BMPR1A: variants seen among roughly 807,000 people sequenced by gnomAD.
The protein encoded by BMPR1A is bone morphogenetic protein receptor type-1A.
A neutral mutation model predicts 66.0 loss-of-function variants in BMPR1A; 7 were observed. The observed-to-expected ratio is 0.11, with a 90% confidence interval of 0.06 to 0.20. The LOEUF (loss-of-function observed/expected upper bound fraction) is 0.20. Ranked by LOEUF, BMPR1A falls within the 10% of genes least tolerant of loss-of-function variation. BMPR1A has a pLI of 1.00. For missense variants in BMPR1A, 408 were observed against 669.1 expected (o/e 0.61, Z 4.31); for synonymous variants, 200 against 229.7 (o/e 0.87, Z 1.17).
At chr10:86,757,219 C>T (rs1408867008) in intron 1 of BMPR1A, among the ~76,000 whole-genome samples, 1 of 152,132 alleles carries the variant, frequency 6.6e-6, no homozygotes, top group Non-Finnish European at 1.5e-5. Flanking sequence ...CTTCTGGAAT[C>T]CTTAAATGGG....
intron 1 of BMPR1A, among the ~76,000 whole-genome samples, chr10:86,770,056 C>T (rs536098910): frequency 3.3e-5 from 5 of 151,952 alleles, no homozygotes; most frequent in African/African-American, 1.2e-4. Flanking sequence ...CTTTGGGAGG[C>T]CGAGGTGGGA....
chr10:86,877,821 A>C (rs1258200868), intron 3 of BMPR1A, among the ~76,000 whole-genome samples: 3 of 152,314 alleles, frequency 2.0e-5, no homozygotes, highest in South Asian at 4.1e-4. Context: ...TTTTGGCATA[A>C]ATTTTTTTAA....
At chr10:86,780,834 A>G (rs1359386961) in intron 1 of BMPR1A, among the ~76,000 whole-genome samples, 1 of 152,106 alleles carries the variant, frequency 6.6e-6, no homozygotes, top group Non-Finnish European at 1.5e-5. Flanking sequence ...GTAATTTTAA[A>G]CTTTCTAGTT....
At chr10:86,811,941 C>T (rs753026160) in intron 1 of BMPR1A, among the ~76,000 whole-genome samples, 3 of 151,590 alleles carry the variant, frequency 2.0e-5, no homozygotes, top group Non-Finnish European at 4.4e-5. Context: ...ATTAGCCAGG[C>T]GTGGTGGTGT....
At chr10:86,868,915 A>G (rs1324296767) in intron 2 of BMPR1A, among the ~76,000 whole-genome samples, 2 of 152,108 alleles carry the variant, frequency 1.3e-5, no homozygotes, top group African/African-American at 2.4e-5. Flanking sequence ...CTGAAAAGAA[A>G]CAGTACCAGT....
chr10:86,759,926 A>C (rs1225504674), intron 1 of BMPR1A, among the ~76,000 whole-genome samples: 1 of 151,978 alleles, frequency 6.6e-6, no homozygotes, highest in Non-Finnish European at 1.5e-5. Flanking sequence ...TTATTTTCAA[A>C]TCTAGTGTTA....
At chr10:86,767,744 C>A (rs1448142479) in intron 1 of BMPR1A, among the ~76,000 whole-genome samples, 1 of 145,722 alleles carries the variant, frequency 6.9e-6, no homozygotes, top group East Asian at 1.9e-4. Context: ...CCTGAACTCC[C>A]TTGTCTGCCT....
At chr10:86,841,200 A>T (rs1842420283) in intron 2 of BMPR1A, among the ~76,000 whole-genome samples, 1 of 152,214 alleles carries the variant, frequency 6.6e-6, no homozygotes, top group African/African-American at 2.4e-5. Flanking sequence ...CATTAAATAA[A>T]AACAGGTTCC....
chr10:86,781,218 G>T (rs1168946083), intron 1 of BMPR1A, among the ~76,000 whole-genome samples: 2 of 152,132 alleles, frequency 1.3e-5, no homozygotes. Flanking sequence ...TAGGGTGAGT[G>T]TTGGGCGTCT....
chr10:86,825,154 A>G (rs1042161746), intron 1 of BMPR1A, among the ~76,000 whole-genome samples: 1 of 149,272 alleles, frequency 6.7e-6, no homozygotes, highest in Non-Finnish European at 1.5e-5. Flanking sequence ...CCTAGGCTGG[A>G]GTGCAATGGC....
intron 1 of BMPR1A, among the ~76,000 whole-genome samples, chr10:86,794,749 G>A (rs1326038788): frequency 4.6e-5 from 7 of 151,672 alleles, no homozygotes; most frequent in African/African-American, 1.2e-4. Flanking sequence ...AAGATAATAT[G>A]AGAATTAAAA....
At chr10:86,930,755 A>G (rs1236794808), downstream of BMPR1A, 11 of 152,062 alleles carry the variant, frequency 7.2e-5, no homozygotes, top group African/African-American at 2.7e-4. Context: ...TTTTAGAGAC[A>G]GTCTTGCACT....
rs1843665086 is a variant in BMPR1A, at chr10:86,921,541, G to A, written c.1188G>A (p.Val396=). The A allele has an allele frequency of 6.2e-7, 1 of 1,614,082 alleles. No individual in the cohort carries two copies. The highest frequency in any genetic ancestry group is 8.5e-7 in the Non-Finnish European group (1 of 1,179,964). The part of the protein sequence containing the change: ...KFNSDTNEVD[V]PLNTRVGTKR... ...TCAGTGACACAAATGAAGTTGATGT[G>A]CCCTTGAATACCAGGGTGGGCACCA... Residue 396 remains valine, a synonymous_variant, in exon 11 of 13, where the codon GTG becomes GTA. Coordinates refer to ENST00000372037, the MANE Select transcript of BMPR1A (RefSeq NM_004329.3).
At chr10:86,910,611 AT>A (rs1023770035) in intron 7 of BMPR1A, among the ~76,000 whole-genome samples, 2 of 151,206 alleles carry the variant, frequency 1.3e-5, no homozygotes, top group East Asian at 1.9e-4. Context: ...TGGGAGGAGG[AT>A]TTTTTTTTGC....
chr10:86,812,728 A>G (rs538524141), intron 1 of BMPR1A, among the ~76,000 whole-genome samples: 1 of 152,294 alleles, frequency 6.6e-6, no homozygotes, highest in East Asian at 1.9e-4. Flanking sequence ...ATCCACATGT[A>G]CATAGCCTGC....
intron 2 of BMPR1A, among the ~76,000 whole-genome samples, chr10:86,868,668 A>G (rs1842814699): frequency 6.6e-6 from 1 of 152,196 alleles, no homozygotes; most frequent in Non-Finnish European, 1.5e-5. Flanking sequence ...GGAAATTCCC[A>G]AACTTCTCTA....
At chr10:86,784,611 C>T (rs1841491552) in intron 1 of BMPR1A, among the ~76,000 whole-genome samples, 2 of 152,002 alleles carry the variant, frequency 1.3e-5, no homozygotes, top group Admixed American at 1.3e-4. Context: ...GGTAGAATTC[C>T]CCAGTGAAGC....
intron 2 of BMPR1A, among the ~76,000 whole-genome samples, chr10:86,849,127 C>A (rs1234308808): frequency 6.6e-6 from 1 of 152,216 alleles, no homozygotes; most frequent in Non-Finnish European, 1.5e-5. Flanking sequence ...GGCTACTTTA[C>A]ACTAGCATTT....
At chr10:86,880,950 C>T (rs191011476) in intron 3 of BMPR1A, among the ~76,000 whole-genome samples, 52 of 152,224 alleles carry the variant, frequency 3.4e-4, no homozygotes, top group Admixed American at 1.1e-3. Context: ...CCTGTACATG[C>T]CAACACTTGG....
Sources: allele counts gnomAD v4.1 joint callset (sites outside exome capture counted in the v4.1 genomes callset), GRCh38; gene constraint gnomAD v4.1.1; transcripts MANE v1.5; gene names NCBI Gene and HGNC (gene_info 2026-07-23, HGNC 2026-07-21).